PPFIA2: variants seen among roughly 807,000 people sequenced by gnomAD.
PPFIA2 encodes PPFI scaffold protein A2.
In PPFIA2, 46 loss-of-function variants were observed where a neutral mutation model predicts 175.5. The ratio of observed to expected loss-of-function variants is 0.26; its 90% CI spans 0.21 to 0.34. PPFIA2 has a LOEUF of 0.34. Among genes scored for constraint, PPFIA2 ranks in the 10% least tolerant of loss-of-function variants. The pLI, the probability that PPFIA2 is intolerant of heterozygous loss-of-function variation, is 1.00. For missense variants in PPFIA2, 1,179 were observed against 1,506.1 expected (o/e 0.78, Z 3.60); for synonymous variants, 568 against 511.4 (o/e 1.11, Z -1.49).
intron 4 of PPFIA2, among the ~76,000 whole-genome samples, chr12:81,547,089 G>A (rs537953966): frequency 5.9e-5 from 9 of 152,212 alleles, no homozygotes; most frequent in East Asian, 3.9e-4. Flanking sequence ...GTGTTGGCAG[G>A]AAAATTATTT....
At chr12:81,585,973 A>T (rs2075254574) in intron 4 of PPFIA2, among the ~76,000 whole-genome samples, 1 of 151,926 alleles carries the variant, frequency 6.6e-6, no homozygotes, top group African/African-American at 2.4e-5. Context: ...TGACTATGAT[A>T]TTATGATGGC....
intron 4 of PPFIA2, among the ~76,000 whole-genome samples, chr12:81,535,959 G>A (rs181249365): frequency 2.6e-5 from 4 of 151,728 alleles, no homozygotes; most frequent in Admixed American, 6.6e-5. Flanking sequence ...TTAGCAAACC[G>A]TGCTATTAGC....
chr12:81,707,059 A>C (rs1472066585), intron 3 of PPFIA2, among the ~76,000 whole-genome samples: 5 of 152,224 alleles, frequency 3.3e-5, no homozygotes, highest in Non-Finnish European at 5.9e-5. Context: ...ACCTAAAATC[A>C]TAAAAACCCT....
chr12:81,342,946 T>TATAATA (rs141700038), intron 19 of PPFIA2, among the ~76,000 whole-genome samples: 19 of 147,658 alleles, frequency 1.3e-4, no homozygotes, highest in African/African-American at 2.7e-4. Context: ...AAACTTAAAG[T>TATAATA]ATAATAATAA....
At chr12:81,665,749 C>A (rs2070081736) in intron 4 of PPFIA2, among the ~76,000 whole-genome samples, 3 of 151,730 alleles carry the variant, frequency 2.0e-5, no homozygotes, top group Non-Finnish European at 4.4e-5. Context: ...GCAACAAAAG[C>A]CAAAATTGAC....
At chr12:81,619,318 T>C (rs1043411657) in intron 4 of PPFIA2, among the ~76,000 whole-genome samples, 2 of 152,212 alleles carry the variant, frequency 1.3e-5, no homozygotes, top group Admixed American at 6.5e-5. Context: ...ACGTTAGATA[T>C]GTAACTTTTC....
intron 4 of PPFIA2, among the ~76,000 whole-genome samples, chr12:81,526,866 A>G (rs2063790142): frequency 1.3e-5 from 2 of 152,166 alleles, no homozygotes; most frequent in African/African-American, 2.4e-5. Context: ...AGTCACTCAT[A>G]TATTAGAATT....
intron 28 of PPFIA2, among the ~76,000 whole-genome samples, chr12:81,273,833 G>C (rs906160321): frequency 2.0e-5 from 3 of 151,714 alleles, no homozygotes; most frequent in African/African-American, 7.3e-5. Flanking sequence ...ATTTCTGCCC[G>C]AAGAAGGACA....
chr12:81,706,260 CTGCATAAGTA>C (rs2077124784), intron 3 of PPFIA2, among the ~76,000 whole-genome samples: 1 of 152,146 alleles, frequency 6.6e-6, no homozygotes, highest in African/African-American at 2.4e-5. Flanking sequence ...ACACTATGTA[CTGCATAAGTA>C]TTGTCTTATC....
intron 4 of PPFIA2, among the ~76,000 whole-genome samples, chr12:81,556,330 C>T (rs2068854024): frequency 1.3e-5 from 2 of 151,860 alleles, no homozygotes. Context: ...AATAATACTT[C>T]TTATCATGAA....
At chr12:81,574,004 T>C (rs960849329) in intron 4 of PPFIA2, among the ~76,000 whole-genome samples, 3 of 151,952 alleles carry the variant, frequency 2.0e-5, no homozygotes, top group African/African-American at 7.2e-5. Flanking sequence ...TTTTACTTAA[T>C]ATGTCCAGAT....
At chr12:81,750,228 G>T (rs2083568871) in intron 3 of PPFIA2, among the ~76,000 whole-genome samples, 1 of 143,770 alleles carries the variant, frequency 7.0e-6, no homozygotes, top group African/African-American at 2.4e-5. Context: ...AATGGAGTTT[G>T]CTGGGACACA....
chr12:81,458,456 T>C (rs1158599765), intron 4 of PPFIA2, among the ~76,000 whole-genome samples: 1 of 152,178 alleles, frequency 6.6e-6, no homozygotes, highest in African/African-American at 2.4e-5. Flanking sequence ...GTAAGCTCCA[T>C]GTGGACAGGG....
At chr12:81,577,037 C>T (rs1208132785) in intron 4 of PPFIA2, among the ~76,000 whole-genome samples, 1 of 151,744 alleles carries the variant, frequency 6.6e-6, no homozygotes, top group Non-Finnish European at 1.5e-5. Flanking sequence ...AAATGTTTAT[C>T]TAATTTTGTT....
At chr12:81,648,460 A>G (rs1419609937) in intron 4 of PPFIA2, among the ~76,000 whole-genome samples, 1 of 152,084 alleles carries the variant, frequency 6.6e-6, no homozygotes, top group Non-Finnish European at 1.5e-5. Context: ...AATGGAAATT[A>G]AAATATTAAA....
chr12:81,695,447 G>A (rs1288499831), intron 3 of PPFIA2, among the ~76,000 whole-genome samples: 4 of 152,090 alleles, frequency 2.6e-5, no homozygotes, highest in African/African-American at 9.7e-5. Flanking sequence ...TTTGCCATGT[G>A]ATATGCCTGT....
chr12:81,381,886 T>C (rs1449929797), intron 9 of PPFIA2, among the ~76,000 whole-genome samples: 1 of 152,146 alleles, frequency 6.6e-6, no homozygotes, highest in African/African-American at 2.4e-5. Flanking sequence ...TACTTATAAA[T>C]ATCTATTCTT....
At chr12:81,287,305 T>C (rs1156303326) in intron 24 of PPFIA2, among the ~76,000 whole-genome samples, 1 of 151,970 alleles carries the variant, frequency 6.6e-6, no homozygotes, top group Non-Finnish European at 1.5e-5. Context: ...GTATTAATTA[T>C]CTCATACTAG....
intron 21 of PPFIA2, among the ~76,000 whole-genome samples, chr12:81,328,818 C>CTTTTTT: frequency 7.4e-6 from 1 of 134,654 alleles, no homozygotes; most frequent in Non-Finnish European, 1.6e-5. Context: ...TTCTTTCTTT[C>CTTTTTT]TTTTTTTTTT....
Sources: allele counts gnomAD v4.1 joint callset (sites outside exome capture counted in the v4.1 genomes callset), GRCh38; gene constraint gnomAD v4.1.1; transcripts MANE v1.5; gene names NCBI Gene and HGNC (gene_info 2026-07-23, HGNC 2026-07-21).